The following COL17A1 variants were observed in gnomAD, a reference collection of about 807,000 sequenced individuals.
COL17A1 encodes the protein collagen type XVII alpha 1 chain, also known as collagen alpha-1(XVII) chain.
COL17A1 carries 181 observed loss-of-function variants against 218.4 expected under a neutral mutation model. The ratio of observed to expected loss-of-function variants is 0.83; its 90% CI spans 0.73 to 0.94. The LOEUF is 0.94. Ranked by LOEUF, COL17A1 falls within the 40% of genes least tolerant of loss-of-function variation. The pLI is 0.00. For missense variants in COL17A1, 1,924 were observed against 1,945.9 expected, an observed-to-expected ratio of 0.99 and a Z score of 0.21; for synonymous variants, 721 against 731.0, an observed-to-expected ratio of 0.99 and a Z score of 0.22.
rs144405247 is a variant in COL17A1, at chr10:104,052,749, T to G, written c.1939+282A>C. ...CTGAGCCCCACCTCGGCCTGACTCC[T>G]CACCCTCACCACCCAACTCCAGGAA... On this transcript the variant is annotated intron_variant, in intron 23 of 55. Transcript: ENST00000648076. Among the ~76,000 whole-genome samples, 4 of 152,142 alleles carry G rather than the reference T, an allele frequency of 2.6e-5. No homozygotes were observed. In the East Asian group the frequency reaches 7.7e-4, roughly 29 times the overall value.
At position 104,055,483 on chromosome 10, in the gene COL17A1, A is replaced by C. The variant is rs1747677; in HGVS notation, c.1688-82T>G. 1,118,563 of 1,381,358 alleles carry C rather than the reference A, an allele frequency of 0.81. 450,020 individuals are homozygous for C. Among genetic ancestry groups the C allele is most frequent in the Non-Finnish European group, 0.83 (823,577 of 990,430 alleles). The allele number at this position is 1,381,358 out of a possible 1,614,324, so 85.6% of individuals were successfully genotyped here. A position where few individuals can be genotyped will look rare whatever the true frequency, so the allele number is the denominator to read the frequency against. ...ACACACACACACACACACACACACA[A>C]TAAGGGGATCATGGTATGGGAAGAA... On this transcript the variant is annotated intron_variant, in intron 18 of 55. Transcript: ENST00000648076.
In COL17A1 at chr10:104,041,478, T is replaced by A; in HGVS notation, c.2605+7A>T. 3 of 1,612,216 alleles carry A rather than the reference T, an allele frequency of 1.9e-6. No homozygotes were observed. The highest frequency in any genetic ancestry group is 2.5e-6 in the Non-Finnish European group (3 of 1,178,734). On this transcript the variant is annotated splice_region_variant and intron_variant, in intron 37 of 55. Transcript: ENST00000648076. ...CCCCACCTTCCAAAGGTCTCCAAGATACTCACCTGGTGGCCCGCGTGGGCC... is the reference window on the plus strand; with the variant it reads ...CCCCACCTTCCAAAGGTCTCCAAGAAACTCACCTGGTGGCCCGCGTGGGCC...
At chr10:104,034,861 A>C in intron 50 of COL17A1, 94 bp from the exon 51 acceptor site, 1 of 1,508,244 alleles carries the variant, frequency 6.6e-7, no homozygotes, top group Non-Finnish European at 9.0e-7. Context: ...CCCCACCTGA[A>C]AGGAGGGGAT....
intron 8 of COL17A1, 111 bp downstream of exon 8, chr10:104,071,921 T>C (rs2086672259): frequency 2.0e-6 from 3 of 1,495,872 alleles, no homozygotes; most frequent in South Asian, 1.1e-5. Context: ...TGCATGTACA[T>C]ACATGTGTGT....
At chr10:104,042,561 C>A (rs539146128) in intron 35 of COL17A1, 106 bp from the exon 36 acceptor site, 15 of 1,116,216 alleles carry the variant, frequency 1.3e-5, no homozygotes, top group Admixed American at 3.6e-5. Context: ...CCCAAAGAGG[C>A]CACCTTGCTT....
At position 104,079,359 on chromosome 10, in the gene COL17A1, G is replaced by A. The variant is rs1729525678; in HGVS notation, c.53-773C>T. On this transcript the variant is annotated intron_variant, in intron 2 of 55. Coordinates refer to ENST00000648076, the MANE Select transcript of COL17A1 (RefSeq NM_000494.4). ...TATCAGGTTTCCAGTGTGCTTGTAT[G>A]CATGCATGCATGTGTGTATGTGTGC... is the stretch of plus-strand genomic sequence containing the variant. Among the ~76,000 whole-genome samples, 6 of 152,194 alleles carry A rather than the reference G, an allele frequency of 3.9e-5. No homozygotes were observed. In the South Asian group the frequency reaches 1.2e-3, roughly 32 times the overall value.
At position 104,056,020 on chromosome 10, in the gene COL17A1, C is replaced by G; in HGVS notation, c.1466-17G>C. On this transcript the variant is annotated splice_polypyrimidine_tract_variant and intron_variant, in intron 17 of 55. Coordinates refer to ENST00000648076, the MANE Select transcript of COL17A1 (RefSeq NM_000494.4). ...CCTCCTCCGCTGCAACAAACAGACA[C>G]ACACTGCGTCACTGAGGGCCCGGTC... 1 of 1,614,056 alleles carries G rather than the reference C, an allele frequency of 6.2e-7. No homozygotes were observed.
chr10:104,064,499 G>C lies in COL17A1; in HGVS notation c.705C>G (p.His235Gln). The change falls in exon 10 of 56, where the codon CAC becomes CAG. Residue 235 changes from histidine to glutamine, a missense_variant. Transcript: ENST00000648076. ...ATGAGCTCTGGGTTGTCATGTTGTTGTGATAGGTCCCCATGGAGGACCCCG... is the reference window on the plus strand; with the variant it reads ...ATGAGCTCTGGGTTGTCATGTTGTTCTGATAGGTCCCCATGGAGGACCCCG... Reference protein sequence around the residue: ...LPAGSSMGTYHNNMTTQSSSL... With the variant: ...LPAGSSMGTYQNNMTTQSSSL... 1 of 1,614,212 alleles carries C rather than the reference G, an allele frequency of 6.2e-7. No homozygotes were observed. The highest frequency in any genetic ancestry group is 8.5e-7 in the Non-Finnish European group (1 of 1,180,038).
chr10:104,081,798 T>A (rs528228015), intron 1 of COL17A1, among the ~76,000 whole-genome samples: 4 of 152,314 alleles, frequency 2.6e-5, no homozygotes, highest in African/African-American at 9.6e-5. Context: ...GCACAGTGCC[T>A]AGGCCCACAG....
intron 1 of COL17A1, among the ~76,000 whole-genome samples, chr10:104,082,344 C>A (rs2086772157): frequency 6.6e-6 from 1 of 152,180 alleles, no homozygotes; most frequent in East Asian, 1.9e-4. Flanking sequence ...GTCATGCAAA[C>A]CTACGTGCAA....
rs2296219 is a variant in COL17A1, at chr10:104,039,458, G to T, written c.2883C>A (p.Pro961=). 1,301,003 of 1,613,760 alleles carry T rather than the reference G, an allele frequency of 0.81. 530,165 individuals are homozygous for T. The highest frequency in any genetic ancestry group is 0.84 in the East Asian group (37,633 of 44,866). The change falls in exon 43 of 56, where the codon CCC becomes CCA. Residue 961 remains proline (P), a synonymous_variant. Coordinates refer to ENST00000648076, the MANE Select transcript of COL17A1 (RefSeq NM_000494.4). ...GPPGPPGPQG[P]KGDKGDPGVP... is the part of the protein sequence containing the mutation. The stretch of plus-strand genomic sequence containing the variant: ...TCCCTCACTGACCTTTGTCACCTTT[G>T]GGTCCCTGGGGGCCAGGTGGGCCTG...
In COL17A1 at chr10:104,054,085, T is replaced by C. The variant is rs1163460443; in HGVS notation, c.1771+7A>G. 1 of 1,612,638 alleles carries C rather than the reference T, an allele frequency of 6.2e-7. No individual in the cohort carries two copies. Among genetic ancestry groups the C allele is most frequent in the Admixed American group, 1.7e-5 (1 of 59,774 alleles). On this transcript the variant is annotated splice_region_variant and intron_variant, in intron 21 of 55. Transcript: ENST00000648076. ...GGCAGGCCTGGAGGTCATCAGAGAG[T>C]ACATACCTGGAGTCCCAGGGAACCC...
rs1049801589 is a variant in COL17A1, at chr10:104,037,090, A to G, written c.3232T>C (p.Phe1078Leu). The change falls in exon 47 of 56, where the codon TTC (phenylalanine) becomes CTC (leucine). Residue 1078 changes from phenylalanine (F) to leucine (L), a missense_variant. Coordinates refer to ENST00000648076, the MANE Select transcript of COL17A1 (RefSeq NM_000494.4). ...TCTTCAGAAGAGATGGAGGACGAGA[A>G]CAAGCTGACACCGTACCCCGAAGCT... is the stretch of plus-strand genomic sequence containing the variant. ...LRTSGYGVSL[F>L]SSSISSEDIL... is the part of the protein sequence containing the mutation. The G allele has an allele frequency of 2.8e-5, 45 of 1,607,106 alleles. No homozygotes were observed. Among genetic ancestry groups the G allele is most frequent in the Admixed American group, 1.9e-4 (11 of 59,224 alleles).
In COL17A1 at chr10:104,052,312, C is replaced by T. The variant is rs1251951271; in HGVS notation, c.1940-95G>A. On this transcript the variant is annotated intron_variant, in intron 23 of 55. Coordinates refer to ENST00000648076, the MANE Select transcript of COL17A1 (RefSeq NM_000494.4). ...TCATTTGGAGGGGATGCTTCCCACC[C>T]TGCTAGTGGTCTTGGATCCATTTGG... 4.6e-6 allele frequency: 7 copies of T among 1,521,844 alleles called. No individual in the cohort carries two copies. The East Asian group carries it at 1.6e-4, about 34-fold the overall frequency. The allele number at this position is 1,521,844 out of a possible 1,614,324, so 94.3% of individuals were successfully genotyped here.
rs200123495 is a variant in COL17A1, at chr10:104,061,420, C to T, written c.964G>A (p.Val322Ile). ...PQSPAAVNTG[V>I]STSAACTTSV... Reference sequence around the variant, plus strand: ...CAGCACTCACCGGCGGAGGTGGAAACGCCAGTGTTCACAGCCGCAGGACTC... The same window carrying T: ...CAGCACTCACCGGCGGAGGTGGAAATGCCAGTGTTCACAGCCGCAGGACTC... The change falls in exon 13 of 56, where the codon GTT (valine) becomes ATT (isoleucine). Residue 322 changes from valine (V) to isoleucine (I), a missense_variant. Transcript: ENST00000648076. The T allele has an allele frequency of 6.3e-5, 102 of 1,613,612 alleles. 1 individual carries two copies. The East Asian group carries it at 1.7e-3, about 28-fold the overall frequency.
At chr10:104,040,924 A>C in intron 39 of COL17A1, 141 bp downstream of exon 39, 1 of 955,610 alleles carries the variant, frequency 1.0e-6, no homozygotes, top group South Asian at 1.3e-5. Context: ...AGCAAGCAGG[A>C]AGATTATATA....
intron 1 of COL17A1, among the ~76,000 whole-genome samples, chr10:104,082,234 G>A (rs1452700649): frequency 1.3e-5 from 2 of 152,166 alleles, no homozygotes; most frequent in African/African-American, 2.4e-5. Context: ...CCCAGAGGAG[G>A]GGCTTCATAC....
At chr10:104,034,878 G>A (rs1457571135) in intron 50 of COL17A1, 111 bp from the exon 51 acceptor site, 2 of 1,339,914 alleles carry the variant, frequency 1.5e-6, no homozygotes, top group Admixed American at 2.3e-5. Context: ...GGATGAGGCT[G>A]GGCCTCCCGG....
chr10:104,047,729 G>C lies in COL17A1; in HGVS notation c.2335+10C>G. 2.5e-6 allele frequency: 4 copies of C among 1,612,254 alleles called. No homozygotes were observed. Among genetic ancestry groups the C allele is most frequent in the Non-Finnish European group, 3.4e-6 (4 of 1,178,380 alleles). On this transcript the variant is annotated intron_variant, in intron 31 of 55. Transcript: ENST00000648076. The stretch of plus-strand genomic sequence containing the variant: ...AGCAGGGCCATGGCTCCCTCTTCCT[G>C]CTCTGTTACCTGGCTTTCCTGGGTC...
Sources: allele counts gnomAD v4.1 joint callset (sites outside exome capture counted in the v4.1 genomes callset), GRCh38; gene constraint gnomAD v4.1.1; transcripts MANE v1.5; gene names NCBI Gene and HGNC (gene_info 2026-07-23, HGNC 2026-07-21).